ZNF532: variants seen among roughly 807,000 people sequenced by gnomAD.
ZNF532 encodes zinc finger protein 532.
In ZNF532, 22 loss-of-function variants were observed where a neutral mutation model predicts 89.3. The observed-to-expected ratio is 0.25, with a 90% confidence interval of 0.18 to 0.35. ZNF532 has a LOEUF of 0.35. Among genes scored for constraint, ZNF532 ranks in the 10% least tolerant of loss-of-function variants. The pLI, the probability that ZNF532 is intolerant of heterozygous loss-of-function variation, is 1.00. For missense variants in ZNF532, 1,132 were observed against 1,643.4 expected, an observed-to-expected ratio of 0.69 and a Z score of 5.38; for synonymous variants, 606 against 649.6, an observed-to-expected ratio of 0.93 and a Z score of 1.02.
At position 58,984,316 on chromosome 18, in the gene ZNF532, C is replaced by G. The variant is rs1054777098; in HGVS notation, c.3756C>G (p.His1252Gln). 1.8e-5 allele frequency: 29 copies of G among 1,611,816 alleles called. No individual in the cohort carries two copies. Among genetic ancestry groups the G allele is most frequent in the Non-Finnish European group, 2.3e-5 (27 of 1,179,864 alleles). Residue 1252 changes from histidine to glutamine, a missense_variant, in exon 10 of 10, where the codon CAC becomes CAG. This residue lies in a region of ZNF532 where 415 missense variants were observed against 604.8 expected (regional missense o/e 0.69). Transcript: ENST00000591808. ...EDNQQENKPS[H>Q]EDESPDGAVS... ...ACCAACAGGAGAACAAACCCAGCCA[C>G]GAGGATGAATCCCCTGATGGCGCCG...
chr18:58,908,361 A>G (rs958357704), intron 2 of ZNF532, among the ~76,000 whole-genome samples: 26 of 152,232 alleles, frequency 1.7e-4, no homozygotes, highest in Admixed American at 1.5e-3. Context: ...ATTTCAGGGA[A>G]CTGTATGGAT....
rs568444906 is a variant in ZNF532 at position 58,962,742 on chromosome 18, C to T, written c.3150+8943C>T. Reference sequence around the variant, plus strand: ...TCAGCCTCCTGAATAGCTGGGACTACAGGCGCCCACCACCACGCCCGGCTA... The same window carrying T: ...TCAGCCTCCTGAATAGCTGGGACTATAGGCGCCCACCACCACGCCCGGCTA... On this transcript the variant is annotated intron_variant, in intron 7 of 9. Transcript: ENST00000591808. Among the ~76,000 whole-genome samples, 35 of 152,284 alleles carry T rather than the reference C, an allele frequency of 2.3e-4. No individual in the cohort carries two copies. The South Asian group carries it at 7.3e-3, about 32-fold the overall frequency.
chr18:58,898,049 C>T (rs889794847), intron 2 of ZNF532, among the ~76,000 whole-genome samples: 1 of 152,176 alleles, frequency 6.6e-6, no homozygotes, highest in Non-Finnish European at 1.5e-5. Context: ...AATACATGTA[C>T]ATAGATCAAA....
chr18:58,865,705 T>C (rs941137633), intron 2 of ZNF532, 126 bp downstream of exon 2: 14 of 152,312 alleles, frequency 9.2e-5, no homozygotes, highest in African/African-American at 3.1e-4. Flanking sequence ...ATGCTCTTAA[T>C]GTTATCCCAG....
chr18:58,955,343 T>A (rs901201346), intron 7 of ZNF532, among the ~76,000 whole-genome samples: 2 of 152,258 alleles, frequency 1.3e-5, no homozygotes, highest in Non-Finnish European at 2.9e-5. Context: ...AGCTACCAGC[T>A]TGTCTCATTT....
In ZNF532 at chr18:58,984,323, G is replaced by T; in HGVS notation, c.3763G>T (p.Glu1255Ter). The change falls in exon 10 of 10, where the codon GAA (glutamate) becomes TAA (stop). Residue 1255 changes from glutamate (E) to a stop codon, truncating the protein, a stop_gained. Transcript: ENST00000591808. LOFTEE classifies it high-confidence loss of function. ...QQENKPSHED[E>*]SPDGAVSDRK... ...GGAGAACAAACCCAGCCACGAGGAT[G>T]AATCCCCTGATGGCGCCGTGTCAGA... is the stretch of plus-strand genomic sequence containing the variant. 1 of 1,612,012 alleles carries T rather than the reference G, an allele frequency of 6.2e-7. No homozygotes were observed. The highest frequency in any genetic ancestry group is 8.5e-7 in the Non-Finnish European group (1 of 1,179,856).
In ZNF532 at chr18:58,981,531, C is replaced by A; in HGVS notation, c.3325C>A (p.Leu1109Met). Reference protein sequence around the residue: ...KRLMLEKHVQLMHGIKDPDLK... With the variant: ...KRLMLEKHVQMMHGIKDPDLK... Reference sequence around the variant, plus strand: ...TTTGATGCTGGAGAAGCACGTCCAGCTGATGCATGGCATCAAGGACCCTGA... The same window carrying A: ...TTTGATGCTGGAGAAGCACGTCCAGATGATGCATGGCATCAAGGACCCTGA... Residue 1109 changes from leucine to methionine, a missense_variant, in exon 9 of 10, where the codon CTG (leucine) becomes ATG (methionine). Physicochemically the swap from Leu to Met is conservative, Grantham distance 15 (BLOSUM62 2). Transcript: ENST00000591808. The A allele has an allele frequency of 6.2e-7, 1 of 1,614,090 alleles. No homozygotes were observed. Among genetic ancestry groups the A allele is most frequent in the East Asian group, 2.2e-5 (1 of 44,888 alleles).
At chr18:58,890,289 CGT>C (rs2058795918) in intron 2 of ZNF532, among the ~76,000 whole-genome samples, 1 of 151,304 alleles carries the variant, frequency 6.6e-6, no homozygotes, top group Admixed American at 6.6e-5. Context: ...TATATATACA[CGT>C]ATATATATAA....
intron 2 of ZNF532, among the ~76,000 whole-genome samples, chr18:58,874,596 C>G (rs568389906): frequency 1.0e-3 from 158 of 152,266 alleles, no homozygotes; most frequent in African/African-American, 3.6e-3. Flanking sequence ...CCGCCTTGGC[C>G]TCCTACAGTG....
At chr18:58,875,304 C>T (rs183221609) in intron 2 of ZNF532, among the ~76,000 whole-genome samples, 1 of 152,234 alleles carries the variant, frequency 6.6e-6, no homozygotes, top group Admixed American at 6.5e-5. Flanking sequence ...AGCCACTGTG[C>T]CAAGTCCTTT....
intron 2 of ZNF532, among the ~76,000 whole-genome samples, chr18:58,913,992 T>C (rs1197982135): frequency 6.6e-6 from 1 of 152,256 alleles, no homozygotes. Flanking sequence ...CCTTTAATAC[T>C]GACATTCTCT....
intron 3 of ZNF532, chr18:58,926,372 T>C (rs2061523876): frequency 6.6e-6 from 1 of 152,298 alleles, no homozygotes; most frequent in Non-Finnish European, 1.5e-5. Flanking sequence ...CGTTTCGCTC[T>C]TGTTGCCCAG....
intron 3 of ZNF532, among the ~76,000 whole-genome samples, chr18:58,926,046 A>G (rs1285411829): frequency 6.6e-6 from 1 of 152,138 alleles, no homozygotes; most frequent in Admixed American, 6.6e-5. Flanking sequence ...TCTTTTCCAA[A>G]ATTGTTTTCA....
rs1027314056 is a variant in ZNF532, at chr18:58,942,079, G to A, written c.2705+2458G>A. 5.7e-4 allele frequency among the ~76,000 whole-genome samples: 83 copies of A among 145,090 alleles called. 1 individual carries two copies. The highest frequency in any genetic ancestry group is 6.0e-5 in the Non-Finnish European group (4 of 66,714). On this transcript the variant is annotated intron_variant, in intron 5 of 9. Transcript: ENST00000591808. Reference sequence around the variant, plus strand: ...GCTGTGTCGCCCAGGCTGGAGTGCAGTGGCACGATCTCAGCTCACTGCAAG... The same window carrying A: ...GCTGTGTCGCCCAGGCTGGAGTGCAATGGCACGATCTCAGCTCACTGCAAG...
intron 2 of ZNF532, among the ~76,000 whole-genome samples, chr18:58,876,024 C>A (rs1224498251): frequency 2.0e-5 from 3 of 150,256 alleles, no homozygotes; most frequent in Non-Finnish European, 4.4e-5. Flanking sequence ...GCTCTGCCTC[C>A]CGGGTTCATG....
chr18:58,907,250 ATC>A (rs1279719521), intron 2 of ZNF532, among the ~76,000 whole-genome samples: 1 of 152,108 alleles, frequency 6.6e-6, no homozygotes, highest in Non-Finnish European at 1.5e-5. Context: ...CAGTGGCATG[ATC>A]TCGGCTCACT....
At chr18:58,896,241 A>C (rs7232115) in intron 2 of ZNF532, among the ~76,000 whole-genome samples, 11,988 of 152,144 alleles carry the variant, frequency 0.079, 888 homozygotes, top group African/African-American at 0.19. Context: ...TAAAATATAC[A>C]TAATATTTGT....
At chr18:58,925,082 T>C (rs567959822) in intron 3 of ZNF532, among the ~76,000 whole-genome samples, 36 of 152,332 alleles carry the variant, frequency 2.4e-4, no homozygotes, top group African/African-American at 8.2e-4. Flanking sequence ...ATTAACATTG[T>C]GTATAGGTTT....
intron 7 of ZNF532, among the ~76,000 whole-genome samples, chr18:58,966,903 A>G (rs1296007651): frequency 6.6e-6 from 1 of 152,104 alleles, no homozygotes; most frequent in African/African-American, 2.4e-5. Flanking sequence ...GTATTTATGT[A>G]TGTCCTGTTA....
Sources: allele counts gnomAD v4.1 joint callset (sites outside exome capture counted in the v4.1 genomes callset), GRCh38; gene constraint gnomAD v4.1.1; regional missense constraint gnomAD v4.1.1; transcripts MANE v1.5; gene names NCBI Gene and HGNC (gene_info 2026-07-23, HGNC 2026-07-21).